KRT17: variants seen among roughly 807,000 people sequenced by gnomAD.
KRT17 encodes the protein keratin, type I cytoskeletal 17.
KRT17 carries 29 observed loss-of-function variants against 45.6 expected under a neutral mutation model. The ratio of observed to expected loss-of-function variants is 0.64; its 90% CI spans 0.47 to 0.87. The LOEUF is 0.87. Among genes scored for constraint, KRT17 ranks in the 40% least tolerant of loss-of-function variants. KRT17 has a pLI of 0.00. For missense variants in KRT17, 536 were observed against 577.8 expected (o/e 0.93, Z 0.74); for synonymous variants, 219 against 234.6 (o/e 0.93, Z 0.61).
chr17:41,621,157 C>A, intron 4 of KRT17, 66 bp from the exon 5 acceptor site: 2 of 1,597,538 alleles, frequency 1.3e-6, no homozygotes, highest in Non-Finnish European at 1.7e-6. Flanking sequence ...GGCCTCCTCC[C>A]AAATCTAACT....
chr17:41,623,520 GC>G (rs1375863128), intron 1 of KRT17, among the ~76,000 whole-genome samples: 1 of 152,076 alleles, frequency 6.6e-6, no homozygotes, highest in Non-Finnish European at 1.5e-5. Context: ...CAGCAGCCCC[GC>G]CCCCTGGGGT....
At chr17:41,620,405 G>T in intron 7 of KRT17, 131 bp downstream of exon 7, 1 of 1,603,122 alleles carries the variant, frequency 6.2e-7, no homozygotes, top group Middle Eastern at 2.3e-4. Flanking sequence ...CAGTGCTAAT[G>T]AGTCACTTCT....
At position 41,619,444 on chromosome 17, in the gene KRT17, G is replaced by A. The variant is rs1296495915; in HGVS notation, c.*150C>T. 1.2e-5 allele frequency: 17 copies of A among 1,415,632 alleles called. No individual in the cohort carries two copies. Among genetic ancestry groups the A allele is most frequent in the Non-Finnish European group, 1.7e-5 (17 of 1,029,160 alleles). 87.7% of individuals were successfully genotyped at this position (1,415,632 alleles called of 1,614,324 possible). A position where few individuals can be genotyped will look rare whatever the true frequency, so the allele number is the denominator to read the frequency against. On this transcript the variant is annotated 3_prime_UTR_variant, in exon 8 of 8. Coordinates refer to ENST00000311208, the MANE Select transcript of KRT17 (RefSeq NM_000422.3). Reference sequence around the variant, plus strand: ...GGCCAGAACAAGGACACATTTCATAGCTGAGTCAACAAGCTTTATTGTCAT... The same window carrying A: ...GGCCAGAACAAGGACACATTTCATAACTGAGTCAACAAGCTTTATTGTCAT...
chr17:41,623,058 T>C (rs749137972), intron 1 of KRT17, 26 bp from the exon 2 acceptor site: 3 of 1,570,484 alleles, frequency 1.9e-6, no homozygotes, highest in African/African-American at 2.7e-5. Flanking sequence ...AGTAGTCAGG[T>C]CATTGGATGG....
chr17:41,624,268 G>A lies in KRT17; in HGVS notation c.242C>T (p.Ala81Val), dbSNP rs769139580. The A allele has an allele frequency of 2.0e-5, 32 of 1,612,344 alleles. No individual in the cohort carries two copies. The highest frequency in any genetic ancestry group is 9.9e-5 in the South Asian group (9 of 90,998). Residue 81 changes from alanine to valine, a missense_variant, in exon 1 of 8, where the codon GCT becomes GTT. By Grantham distance (64) the Ala-to-Val change is moderately conservative. Transcript: ENST00000311208. ...SSFGGVDGLL[A>V]GGEKATMQNL... ...CTGCATGGTGGCCTTCTCACCTCCA[G>A]CCAGCAGCCCATCAACACCCCCAAA...
In KRT17 at chr17:41,624,379, G is replaced by A. The variant is rs775031648; in HGVS notation, c.131C>T (p.Ser44Phe). ...GAGGGTGCTGCCCAGGCCGCCAGCA[G>A]ATCCCAGCCTGCAGGAGCCGGCACC... Reference protein sequence around the residue: ...GLGAGSCRLGSAGGLGSTLGG... With the variant: ...GLGAGSCRLGFAGGLGSTLGG... The change falls in exon 1 of 8, where the codon TCT becomes TTT. Residue 44 changes from serine (S) to phenylalanine (F), a missense_variant. Coordinates refer to ENST00000311208, the MANE Select transcript of KRT17 (RefSeq NM_000422.3). The A allele has an allele frequency of 1.2e-6, 2 of 1,610,948 alleles. No homozygotes were observed. Among genetic ancestry groups the A allele is most frequent in the Non-Finnish European group, 1.7e-6 (2 of 1,179,670 alleles).
chr17:41,621,467 C>A (rs1908539242), intron 4 of KRT17, 126 bp downstream of exon 4: 2 of 1,202,764 alleles, frequency 1.7e-6, no homozygotes, highest in Non-Finnish European at 2.5e-6. Context: ...AGTGGGTGAC[C>A]CTGTGGTCCA....
rs558623005 is a variant in KRT17 at position 41,624,455 on chromosome 17, C to G, written c.55G>C (p.Gly19Arg). Residue 19 changes from glycine (G) to arginine (R), a missense_variant, in exon 1 of 8, where the codon GGC becomes CGC. By Grantham distance (125) the Gly-to-Arg change is moderately radical. Coordinates refer to ENST00000311208, the MANE Select transcript of KRT17 (RefSeq NM_000422.3). Reference sequence around the variant, plus strand: ...GTGCGGGACGAGCCGCCCCCCAGGCCGGAGGAGCCCTTGATGGAGCTGGAG... The same window carrying G: ...GTGCGGGACGAGCCGCCCCCCAGGCGGGAGGAGCCCTTGATGGAGCTGGAG... ...TSSSSIKGSS[G>R]LGGGSSRTSC... 13 of 1,610,280 alleles carry G rather than the reference C, an allele frequency of 8.1e-6. No individual in the cohort carries two copies. The highest frequency in any genetic ancestry group is 6.7e-5 in the African/African-American group (5 of 74,846).
chr17:41,621,148 G>A (rs1908528612), intron 4 of KRT17, 57 bp from the exon 5 acceptor site: 3 of 1,608,176 alleles, frequency 1.9e-6, no homozygotes, highest in Middle Eastern at 2.0e-4. Flanking sequence ...CCCAAGTCAG[G>A]CCTCCTCCCA....
In KRT17 at chr17:41,624,422, G is replaced by A. The variant is rs747613789; in HGVS notation, c.88C>T (p.Arg30Trp). 19 of 1,610,186 alleles carry A rather than the reference G, an allele frequency of 1.2e-5. No individual in the cohort carries two copies. Among genetic ancestry groups the A allele is most frequent in the Middle Eastern group, 2.2e-4 (1 of 4,450 alleles). Residue 30 changes from arginine to tryptophan, a missense_variant, in exon 1 of 8, where the codon CGG becomes TGG. By Grantham distance (101) the Arg-to-Trp change is moderately radical (BLOSUM62 -3). Transcript: ENST00000311208. ...LGGGSSRTSC[R>W]LSGGLGAGSC... The stretch of plus-strand genomic sequence containing the variant: ...CCGGCACCCAGGCCGCCAGACAGCC[G>A]GCAGGAGGTGCGGGACGAGCCGCCC...
Position 41,623,186 on chromosome 17 carries a change from G to C in KRT17, c.433-154C>G, listed in dbSNP as rs997379146. 47 of 655,264 alleles carry C rather than the reference G, an allele frequency of 7.2e-5. 1 individual carries two copies. The Admixed American group carries it at 1.0e-3, about 14-fold the overall frequency. 40.6% of individuals were successfully genotyped at this position (655,264 alleles called of 1,614,324 possible). A position where few individuals can be genotyped will look rare whatever the true frequency, so the allele number is the denominator to read the frequency against. On this transcript the variant is annotated intron_variant, in intron 1 of 7. Coordinates refer to ENST00000311208, the MANE Select transcript of KRT17 (RefSeq NM_000422.3). ...ATTGGCAGAGGAGGGGCAAACAGGA[G>C]TCTGAAGGGCTGAAAGGTGCCTCTT...
At chr17:41,624,002 C>T in intron 1 of KRT17, 76 bp downstream of exon 1, 1 of 1,602,556 alleles carries the variant, frequency 6.2e-7, no homozygotes, top group Non-Finnish European at 8.5e-7. Flanking sequence ...GGCTGGACTC[C>T]AGGCCTTTGG....
At position 41,621,624 on chromosome 17, in the gene KRT17, C is replaced by A. The variant is rs753353264; in HGVS notation, c.803G>T (p.Arg268Leu). The A allele has an allele frequency of 6.2e-6, 10 of 1,612,024 alleles. No homozygotes were observed. In the South Asian group the frequency reaches 7.7e-5, roughly 12 times the overall value. The change falls in exon 4 of 8, where the codon CGC (arginine) becomes CTC (leucine). Residue 268 changes from arginine to leucine, a missense_variant. By Grantham distance (102) the Arg-to-Leu change is moderately radical. Coordinates refer to ENST00000311208, the MANE Select transcript of KRT17 (RefSeq NM_000422.3). The stretch of plus-strand genomic sequence containing the variant: ...GAAGAACCAATCCTCGGCATCCTTG[C>A]GGTTCTTCTCTGCCATCTTCTCATA... ...DQYEKMAEKN[R>L]KDAEDWFFSK...
chr17:41,621,508 A>G, intron 4 of KRT17, 85 bp downstream of exon 4: 2 of 1,545,540 alleles, frequency 1.3e-6, no homozygotes, highest in Non-Finnish European at 1.8e-6. Flanking sequence ...CACCTCCAAG[A>G]CATCTGGCCG....
At chr17:41,620,057 C>A (rs1908485426) in intron 7 of KRT17, 1 of 985,256 alleles carries the variant, frequency 1.0e-6, no homozygotes, top group Non-Finnish European at 1.2e-6. Flanking sequence ...ATCGCCAAGA[C>A]AAAAACCAGG....
intron 4 of KRT17, 143 bp from the exon 5 acceptor site, chr17:41,621,234 G>A (rs1908531989): frequency 3.5e-6 from 4 of 1,151,002 alleles, no homozygotes; most frequent in Non-Finnish European, 5.1e-6. Context: ...CATTTGAAAT[G>A]TTAACTTTTT....
rs1232590489 is a variant in KRT17, at chr17:41,621,051, A to G, written c.875T>C (p.Leu292Pro). The change falls in exon 5 of 8, where the codon CTG (leucine) becomes CCG (proline). Residue 292 changes from leucine (L) to proline (P), a missense_variant. Coordinates refer to ENST00000311208, the MANE Select transcript of KRT17 (RefSeq NM_000422.3). Reference protein sequence around the residue: ...LNREVATNSELVQSGKSEISE... With the variant: ...LNREVATNSEPVQSGKSEISE... ...GATCTCACTCTTGCCACTCTGCACC[A>G]GCTCACTGTTGGTGGCCACCTCGCG... The G allele has an allele frequency of 4.3e-6, 7 of 1,613,894 alleles. No homozygotes were observed. Among genetic ancestry groups the G allele is most frequent in the Non-Finnish European group, 5.9e-6 (7 of 1,179,948 alleles).
chr17:41,620,290 C>T, intron 7 of KRT17: 9 of 985,416 alleles, frequency 9.1e-6, no homozygotes, highest in Non-Finnish European at 1.1e-5. Context: ...GGACCTGTCT[C>T]CTCCATCAGA....
At position 41,621,060 on chromosome 17, in the gene KRT17, TTGG is replaced by T; in HGVS notation, c.863_865del (p.Thr288del). The T allele has an allele frequency of 6.2e-7, 1 of 1,614,042 alleles. No homozygotes were observed. Among genetic ancestry groups the T allele is most frequent in the East Asian group, 2.2e-5 (1 of 44,882 alleles). On this transcript the variant is annotated inframe_deletion, in exon 5 of 8. Transcript: ENST00000311208. ...CTTGCCACTCTGCACCAGCTCACTGTTGGTGGCCACCTCGCGGTTCAGTTCCTC... is the reference window on the plus strand; with the variant it reads ...CTTGCCACTCTGCACCAGCTCACTGTTGGCCACCTCGCGGTTCAGTTCCTC...
Sources: gnomAD v4.1 joint callset for allele counts (sites outside exome capture counted in the v4.1 genomes callset) on GRCh38, gnomAD v4.1.1 for gene constraint, MANE v1.5 for transcripts, NCBI Gene and HGNC (gene_info 2026-07-23, HGNC 2026-07-21) for gene names.